IQCM: variants seen among roughly 807,000 people sequenced by gnomAD.
The protein encoded by IQCM is IQ domain-containing protein M.
Under a neutral mutation model 57.6 loss-of-function variants are expected in IQCM, and 45 were observed. The observed-to-expected ratio is 0.78, with a 90% CI of 0.62 to 1.00. IQCM has a LOEUF of 1.00. IQCM is among the 50% of genes least tolerant of loss of function. IQCM has a pLI of 0.00. For missense variants in IQCM, 468 were observed against 511.6 expected (o/e 0.91, Z 0.82); for synonymous variants, 148 against 158.9 (o/e 0.93, Z 0.51).
Position 149,468,116 on chromosome 4 carries a change from GC to G in IQCM, c.1229-34560del, listed in dbSNP as rs559721841. On this transcript the variant is annotated intron_variant, in intron 12 of 13. Coordinates refer to ENST00000636793, the MANE Select transcript of IQCM (RefSeq NM_001363507.2). ...TGTTTTCTGCATTTCAAACTGAGGT[GC>G]TGGGTTCAACTCACTGGGGCTTGTC... Among the ~76,000 whole-genome samples the G allele has an allele frequency of 4.7e-4, 72 of 152,288 alleles. 1 individual carries two copies. The South Asian group carries it at 0.015, about 32-fold the overall frequency.
chr4:149,702,783 C>T (rs1426923761), intron 5 of IQCM, among the ~76,000 whole-genome samples: 1 of 151,880 alleles, frequency 6.6e-6, no homozygotes, highest in Non-Finnish European at 1.5e-5. Context: ...GGAATTTATA[C>T]TTACAATTTT....
chr4:149,738,998 C>G (rs575862480), intron 3 of IQCM, among the ~76,000 whole-genome samples: 39 of 152,134 alleles, frequency 2.6e-4, no homozygotes, highest in Non-Finnish European at 5.1e-4. Context: ...AAAGCTCCAT[C>G]TAGTCAATAA....
intron 8 of IQCM, among the ~76,000 whole-genome samples, chr4:149,612,708 TAATA>T (rs1755411281): frequency 7.0e-6 from 1 of 142,484 alleles, no homozygotes; most frequent in African/African-American, 2.4e-5. Context: ...CTACATAAAT[TAATA>T]TAGTTTTTTC....
At chr4:149,671,591 T>C (rs926634009) in intron 7 of IQCM, among the ~76,000 whole-genome samples, 3 of 152,218 alleles carry the variant, frequency 2.0e-5, no homozygotes, top group Non-Finnish European at 2.9e-5. Context: ...TTTAGATCTT[T>C]CCTGCTTTCT....
chr4:149,675,770 G>A (rs1285920584), intron 7 of IQCM, among the ~76,000 whole-genome samples: 2 of 152,082 alleles, frequency 1.3e-5, no homozygotes, highest in East Asian at 3.9e-4. Context: ...ATCTTGCCAG[G>A]AGCTGACTTT....
intron 7 of IQCM, among the ~76,000 whole-genome samples, chr4:149,678,861 T>C (rs1352247185): frequency 1.3e-5 from 2 of 151,608 alleles, no homozygotes; most frequent in Non-Finnish European, 3.0e-5. Context: ...AAAAATGGCT[T>C]CTATCAAAAA....
At chr4:149,557,119 G>T (rs1749666764) in intron 10 of IQCM, among the ~76,000 whole-genome samples, 1 of 152,094 alleles carries the variant, frequency 6.6e-6, no homozygotes, top group Non-Finnish European at 1.5e-5. Flanking sequence ...CGTGGTTCTT[G>T]GCTTCATGTC....
intron 12 of IQCM, among the ~76,000 whole-genome samples, chr4:149,489,305 A>G (rs1741845311): frequency 1.3e-5 from 2 of 152,102 alleles, no homozygotes; most frequent in Non-Finnish European, 2.9e-5. Context: ...TATTTGTTGG[A>G]AGACAGAATG....
At chr4:149,362,799 G>T (rs1729584094) in intron 13 of IQCM, among the ~76,000 whole-genome samples, 1 of 152,166 alleles carries the variant, frequency 6.6e-6, no homozygotes, top group Admixed American at 6.5e-5. Flanking sequence ...TTCTCAAAGG[G>T]ATACATCCAG....
chr4:149,588,234 A>T (rs1213069982), intron 8 of IQCM, among the ~76,000 whole-genome samples: 1 of 151,844 alleles, frequency 6.6e-6, no homozygotes, highest in African/African-American at 2.4e-5. Flanking sequence ...TTAATGAGCA[A>T]ATATCCTTAC....
intron 9 of IQCM, among the ~76,000 whole-genome samples, chr4:149,581,625 AC>A: frequency 6.6e-6 from 1 of 151,628 alleles, no homozygotes. Context: ...TGGGAAGTTG[AC>A]CCCTAAAGCT....
rs1004331494 is a variant in IQCM, at chr4:149,733,439, T to G, written c.190A>C (p.Ile64Leu). ...ACCTTTTTGTCAATCTCCAAAGGTA[T>G]GTATTTGCCAGATTTCGGTTTTTGG... is the stretch of plus-strand genomic sequence containing the variant. ...KHQKPKSGKYIPLEIDKKVTR... is the reference protein window; with the variant it reads ...KHQKPKSGKYLPLEIDKKVTR... The change falls in exon 5 of 14, where the codon ATA becomes CTA. Residue 64 changes from isoleucine (I) to leucine (L), a missense_variant. By Grantham distance (5) the Ile-to-Leu change is conservative. Transcript: ENST00000636793. 8.1e-7 allele frequency: 1 copy of G among 1,231,644 alleles called. No individual in the cohort carries two copies. Among genetic ancestry groups the G allele is most frequent in the African/African-American group, 1.6e-5 (1 of 64,390 alleles). The allele number at this position is 1,231,644 out of a possible 1,614,324, so 76.3% of individuals were successfully genotyped here. A position where few individuals can be genotyped will look rare whatever the true frequency, so the allele number is the denominator to read the frequency against.
At chr4:149,418,171 T>G (rs1039972090) in intron 13 of IQCM, among the ~76,000 whole-genome samples, 18 of 40,358 alleles carry the variant, frequency 4.5e-4, no homozygotes, top group East Asian at 4.1e-3. Flanking sequence ...AGGTTATGGT[T>G]TTTTTTTTAA....
rs533348198 is a variant in IQCM at position 149,719,012 on chromosome 4, C to T, written c.385+14232G>A. Among the ~76,000 whole-genome samples, 97 of 152,312 alleles carry T rather than the reference C, an allele frequency of 6.4e-4. 1 individual carries two copies. Among genetic ancestry groups the T allele is most frequent in the Non-Finnish European group, 1.3e-3 (86 of 68,024 alleles). ...TGGCCATTATTCAGCCTACTATTTACACCTGAAGTGAAATTTTTCCAAGAA... is the reference window on the plus strand; with the variant it reads ...TGGCCATTATTCAGCCTACTATTTATACCTGAAGTGAAATTTTTCCAAGAA... On this transcript the variant is annotated intron_variant, in intron 5 of 13. Coordinates refer to ENST00000636793, the MANE Select transcript of IQCM (RefSeq NM_001363507.2).
chr4:149,429,456 C>G (rs943015260), intron 13 of IQCM, among the ~76,000 whole-genome samples: 1 of 151,784 alleles, frequency 6.6e-6, no homozygotes, highest in Non-Finnish European at 1.5e-5. Context: ...CAGTTACAAT[C>G]AAGCCACTAC....
intron 2 of IQCM, among the ~76,000 whole-genome samples, chr4:149,759,046 C>CTACT (rs1769259606): frequency 2.0e-5 from 3 of 152,150 alleles, no homozygotes; most frequent in African/African-American, 7.2e-5. Context: ...GAAGCAACCA[C>CTACT]GATATCCTTC....
chr4:149,705,564 A>G (rs991877580), intron 5 of IQCM, among the ~76,000 whole-genome samples: 6 of 151,778 alleles, frequency 4.0e-5, no homozygotes, highest in Non-Finnish European at 7.4e-5. Flanking sequence ...ACGTCAAAAT[A>G]GGCCCAAGGA....
intron 5 of IQCM, among the ~76,000 whole-genome samples, chr4:149,729,040 T>A (rs1766217760): frequency 6.6e-6 from 1 of 152,182 alleles, no homozygotes; most frequent in Admixed American, 6.6e-5. Flanking sequence ...AAAAACTCCA[T>A]TAGTGAAAGG....
At chr4:149,364,240 G>A (rs935041901) in intron 13 of IQCM, among the ~76,000 whole-genome samples, 1 of 152,122 alleles carries the variant, frequency 6.6e-6, no homozygotes, top group Non-Finnish European at 1.5e-5. Flanking sequence ...GTCACATATT[G>A]TTTTGGGGAA....
Sources: gnomAD v4.1 joint callset for allele counts (sites outside exome capture counted in the v4.1 genomes callset) on GRCh38, gnomAD v4.1.1 for gene constraint, MANE v1.5 for transcripts, NCBI Gene and HGNC (gene_info 2026-07-23, HGNC 2026-07-21) for gene names.